Variants in CDK6 observed in about 807,000 individuals in gnomAD.
The protein encoded by CDK6 is cyclin dependent kinase 6.
CDK6 carries 6 observed loss-of-function variants against 37.1 expected under a neutral mutation model. The ratio of observed to expected loss-of-function variants is 0.16; its 90% CI spans 0.09 to 0.32. The LOEUF is 0.32. Among genes scored for constraint, CDK6 ranks in the 10% least tolerant of loss-of-function variants. The pLI, the probability that CDK6 is intolerant of heterozygous loss-of-function variation, is 1.00. For synonymous variants in CDK6, 160 were observed against 161.3 expected (o/e 0.99, Z 0.06); for missense variants, 224 against 418.9 (o/e 0.53, Z 4.06).
In CDK6 at chr7:92,607,428, C is replaced by T. The variant is rs1795453113; in HGVS notation, c.*7712G>A. The T allele has an allele frequency of 1.7e-5, 4 of 232,998 alleles. No homozygotes were observed. The East Asian group carries it at 2.4e-4, about 14-fold the overall frequency. 14.4% of individuals were successfully genotyped at this position (232,998 alleles called of 1,614,324 possible). On this transcript the variant is annotated 3_prime_UTR_variant, in exon 8 of 8. Coordinates refer to ENST00000424848, the MANE Select transcript of CDK6 (RefSeq NM_001145306.2). ...TATGCATATTTAATAAAAACAACTACAAAGTCCTTTACTTTAATTCCTTTA... is the reference window on the plus strand; with the variant it reads ...TATGCATATTTAATAAAAACAACTATAAAGTCCTTTACTTTAATTCCTTTA...
At chr7:92,715,590 G>C (rs1218745473) in intron 4 of CDK6, among the ~76,000 whole-genome samples, 1 of 152,176 alleles carries the variant, frequency 6.6e-6, no homozygotes, top group East Asian at 1.9e-4. Flanking sequence ...TAGAGAGGGG[G>C]AAAGCAGAAA....
intron 5 of CDK6, among the ~76,000 whole-genome samples, chr7:92,631,180 G>A (rs1796042665): frequency 6.6e-6 from 1 of 152,026 alleles, no homozygotes; most frequent in African/African-American, 2.4e-5. Flanking sequence ...ATTTGGGTAG[G>A]AGAGGGCCCA....
In CDK6 at chr7:92,609,163, C is replaced by T. The variant is rs1795505877; in HGVS notation, c.*5977G>A. 2.6e-5 allele frequency: 6 copies of T among 232,654 alleles called. No homozygotes were observed. The allele number at this position is 232,654 out of a possible 1,614,324, so 14.4% of individuals were successfully genotyped here. A position where few individuals can be genotyped will look rare whatever the true frequency, so the allele number is the denominator to read the frequency against. On this transcript the variant is annotated 3_prime_UTR_variant, in exon 8 of 8. Coordinates refer to ENST00000424848, the MANE Select transcript of CDK6 (RefSeq NM_001145306.2). ...CTCAGGAGGAAAGTTGGGCAGGCAC[C>T]GTCGAGTGTCTGCCACTCAAAAGGA...
Position 92,717,496 on chromosome 7 carries a change from AAAAGAAAAGAAAAAGAAAG to A in CDK6, c.537+8111_537+8129del, listed in dbSNP as rs539003715. Among the ~76,000 whole-genome samples the A allele has an allele frequency of 1.8e-3, 271 of 152,042 alleles. 1 individual carries two copies. The highest frequency in any genetic ancestry group is 6.4e-3 in the South Asian group (31 of 4,820). ...AAAGAAAGAAAGAAAGAAAAGAAAG[AAAAGAAAAGAAAAAGAAAG>A]AAAGAAAAGAAAAAGAAAGAAAGAA... On this transcript the variant is annotated intron_variant, in intron 4 of 7. Coordinates refer to ENST00000424848, the MANE Select transcript of CDK6 (RefSeq NM_001145306.2).
chr7:92,667,238 T>A (rs1188956271), intron 5 of CDK6, among the ~76,000 whole-genome samples: 1 of 152,220 alleles, frequency 6.6e-6, no homozygotes, highest in South Asian at 2.1e-4. Flanking sequence ...CACAAGGTTA[T>A]CTAGGCTAGG....
rs73406794 is a variant in CDK6 at position 92,787,861 on chromosome 7, G to C, written c.234-13030C>G. Among the ~76,000 whole-genome samples, 581 of 151,944 alleles carry C rather than the reference G, an allele frequency of 3.8e-3. 4 individuals are homozygous for C. Among genetic ancestry groups the C allele is most frequent in the African/African-American group, 0.013 (543 of 41,452 alleles). On this transcript the variant is annotated intron_variant, in intron 2 of 7. Coordinates refer to ENST00000424848, the MANE Select transcript of CDK6 (RefSeq NM_001145306.2). ...TTCAGTACCCTTTGTAACGTAACAAGGTGCAAGCAACCAAAATAAAGCTTG... is the reference window on the plus strand; with the variant it reads ...TTCAGTACCCTTTGTAACGTAACAACGTGCAAGCAACCAAAATAAAGCTTG...
At chr7:92,625,219 AACACACACACACACACAC>A (rs71699291) in intron 5 of CDK6, among the ~76,000 whole-genome samples, 45 of 141,990 alleles carry the variant, frequency 3.2e-4, no homozygotes, top group Middle Eastern at 3.5e-3. Flanking sequence ...GTGGTAACTA[AACACACACACACACACAC>A]ACACACACAC....
intron 3 of CDK6, among the ~76,000 whole-genome samples, chr7:92,745,007 T>C (rs950387811): frequency 2.0e-5 from 3 of 152,278 alleles, no homozygotes; most frequent in Admixed American, 1.3e-4. Context: ...ATTCATGAGG[T>C]GCAATGTGAT....
intron 3 of CDK6, among the ~76,000 whole-genome samples, chr7:92,769,061 T>C (rs897148653): frequency 6.6e-6 from 1 of 152,192 alleles, no homozygotes; most frequent in Non-Finnish European, 1.5e-5. Flanking sequence ...CACTGTTTAC[T>C]GCAAGCAGAT....
At position 92,834,058 on chromosome 7, in the gene CDK6, T is replaced by C; in HGVS notation, c.-367-368A>G. On this transcript the variant is annotated intron_variant, in intron 1 of 7. Transcript: ENST00000424848. This position sits in a 1 kb window ranked among gnomAD's most constrained non-coding sequence, Gnocchi z 4.6. Reference sequence around the variant, plus strand: ...AATGTCACGGCTTAATATTTATCCCTATATCATTGTGTTGCGCCGCTACCC... The same window carrying C: ...AATGTCACGGCTTAATATTTATCCCCATATCATTGTGTTGCGCCGCTACCC... 2.6e-6 allele frequency: 1 copy of C among 390,528 alleles called. No individual in the cohort carries two copies. Among genetic ancestry groups the C allele is most frequent in the Non-Finnish European group, 4.5e-6 (1 of 221,652 alleles). The allele number at this position is 390,528 out of a possible 1,614,324, so 24.2% of individuals were successfully genotyped here.
chr7:92,719,748 G>C (rs1267142693), intron 4 of CDK6, among the ~76,000 whole-genome samples: 1 of 152,128 alleles, frequency 6.6e-6, no homozygotes, highest in East Asian at 1.9e-4. Flanking sequence ...AGATACTGAG[G>C]TACCAAAAAG....
intron 3 of CDK6, among the ~76,000 whole-genome samples, chr7:92,765,242 T>C (rs1463066510): frequency 6.6e-6 from 1 of 152,200 alleles, no homozygotes; most frequent in Admixed American, 6.5e-5. Context: ...GTCTCTTCAC[T>C]GAGCTTAGTT....
At chr7:92,712,761 C>T (rs1798125699) in intron 4 of CDK6, among the ~76,000 whole-genome samples, 5 of 152,122 alleles carry the variant, frequency 3.3e-5, no homozygotes. Context: ...CATCTACTTG[C>T]CAATAAAAGG....
At chr7:92,676,255 AT>A (rs1181341629) in intron 4 of CDK6, among the ~76,000 whole-genome samples, 1 of 151,954 alleles carries the variant, frequency 6.6e-6, no homozygotes, top group African/African-American at 2.4e-5. Context: ...TTTATCTTTA[AT>A]TTAGAAAAGT....
intron 6 of CDK6, among the ~76,000 whole-genome samples, chr7:92,621,189 G>A (rs143581237): frequency 6.6e-6 from 1 of 152,332 alleles, no homozygotes; most frequent in East Asian, 1.9e-4. Flanking sequence ...CTAGGGTGCA[G>A]CATTGTCCCT....
At chr7:92,787,185 CAAAAA>C (rs761038672) in intron 2 of CDK6, among the ~76,000 whole-genome samples, 3 of 35,462 alleles carry the variant, frequency 8.5e-5, no homozygotes, top group African/African-American at 3.0e-4. Context: ...GACTCCATCA[CAAAAA>C]AAAAAAAAAA....
intron 5 of CDK6, among the ~76,000 whole-genome samples, chr7:92,665,144 A>G (rs764142443): frequency 2.0e-5 from 3 of 152,206 alleles, no homozygotes; most frequent in African/African-American, 7.2e-5. Context: ...GGAAAACCCC[A>G]TAACTTTCAA....
intron 4 of CDK6, 57 bp from the exon 5 acceptor site, chr7:92,671,592 C>A (rs554445438): frequency 3.2e-6 from 3 of 929,456 alleles, no homozygotes; most frequent in Non-Finnish European, 4.8e-6. Flanking sequence ...GCTTAGACTC[C>A]TGACTAAACC....
At chr7:92,736,757 G>A (rs759840545) in intron 3 of CDK6, among the ~76,000 whole-genome samples, 4 of 152,136 alleles carry the variant, frequency 2.6e-5, no homozygotes, top group Admixed American at 6.5e-5. Context: ...GTAAAACCAT[G>A]GCATGTTATT....
Sources: allele counts gnomAD v4.1 joint callset (sites outside exome capture counted in the v4.1 genomes callset), GRCh38; gene constraint gnomAD v4.1.1; non-coding constraint Gnocchi (gnomAD v3.1); transcripts MANE v1.5; gene names NCBI Gene and HGNC (gene_info 2026-07-23, HGNC 2026-07-21).